Variants in LAP3 observed in about 807,000 individuals in gnomAD.
LAP3 encodes leucine aminopeptidase 3.
Under a neutral mutation model 58.8 loss-of-function variants are expected in LAP3, and 46 were observed. The observed-to-expected ratio is 0.78, with a 90% CI of 0.62 to 1.00. The LOEUF is 1.00. LAP3 is among the 50% of genes least tolerant of loss of function. LAP3 has a pLI of 0.00. For missense variants in LAP3, 615 were observed against 659.1 expected, an observed-to-expected ratio of 0.93 and a Z score of 0.73; for synonymous variants, 257 against 237.7, an observed-to-expected ratio of 1.08 and a Z score of -0.75.
chr4:17,581,183 CTG>C (rs1713350795), intron 2 of LAP3, among the ~76,000 whole-genome samples: 1 of 152,196 alleles, frequency 6.6e-6, no homozygotes, highest in Admixed American at 6.5e-5. Flanking sequence ...GGTATCCAGT[CTG>C]TGGAGAAACC....
At chr4:17,579,779 A>C in intron 1 of LAP3, 45 bp from the exon 2 acceptor site, 2 of 1,066,978 alleles carry the variant, frequency 1.9e-6, no homozygotes, top group Non-Finnish European at 2.8e-6. Context: ...TCTCTAAGGG[A>C]TCTACTCTAA....
intron 11 of LAP3, among the ~76,000 whole-genome samples, chr4:17,605,025 C>A (rs1173279589): frequency 6.6e-6 from 1 of 151,912 alleles, no homozygotes; most frequent in African/African-American, 2.4e-5. Flanking sequence ...GGGAGTTCAC[C>A]CTGCATCGAT....
intron 1 of LAP3, among the ~76,000 whole-genome samples, chr4:17,578,862 A>G (rs555597671): frequency 2.0e-5 from 3 of 152,228 alleles, no homozygotes; most frequent in South Asian, 4.1e-4. Flanking sequence ...TTACGTGGCA[A>G]CAGTCCTTAC....
chr4:17,598,549 A>G lies in LAP3; in HGVS notation c.1171A>G (p.Thr391Ala), dbSNP rs1713890706. ...CCCGAAGGTCATCCTCAATGCCGCC[A>G]CCTTAACAGGTCAGACCGCGCACTT... ...FNPKVILNAA[T>A]LTGAMDVALG... is the part of the protein sequence containing the mutation. The change falls in exon 10 of 13, where the codon ACC (threonine) becomes GCC (alanine). Residue 391 changes from threonine to alanine, a missense_variant. By Grantham distance (58) the Thr-to-Ala change is moderately conservative. Transcript: ENST00000226299. 1.9e-6 allele frequency: 3 copies of G among 1,612,894 alleles called. No homozygotes were observed. The highest frequency in any genetic ancestry group is 2.5e-6 in the Non-Finnish European group (3 of 1,179,002).
At chr4:17,589,889 A>C (rs1301089289) in intron 7 of LAP3, among the ~76,000 whole-genome samples, 1 of 152,100 alleles carries the variant, frequency 6.6e-6, no homozygotes, top group Non-Finnish European at 1.5e-5. Context: ...TCAGATGATT[A>C]CTTCTTTTAG....
In LAP3 at chr4:17,584,934, G is replaced by A. The variant is rs1370753147; in HGVS notation, c.540-38G>A. 4.4e-6 allele frequency: 7 copies of A among 1,603,914 alleles called. No individual in the cohort carries two copies. The South Asian group carries it at 6.6e-5, about 15-fold the overall frequency. On this transcript the variant is annotated intron_variant, in intron 5 of 12. Coordinates refer to ENST00000226299, the MANE Select transcript of LAP3 (RefSeq NM_015907.3). Reference sequence around the variant, plus strand: ...GTTGGCAGGCAGTCAGCGTTCTTGAGAGGTTGTTTGACAGTCACTTTATCT... The same window carrying A: ...GTTGGCAGGCAGTCAGCGTTCTTGAAAGGTTGTTTGACAGTCACTTTATCT...
chr4:17,599,728 A>T (rs1424965328), intron 10 of LAP3, among the ~76,000 whole-genome samples: 19 of 147,972 alleles, frequency 1.3e-4, no homozygotes, highest in Admixed American at 1.2e-3. Flanking sequence ...TTTCTTCTGG[A>T]ACTTTTTATA....
chr4:17,605,300 C>T (rs1284114358), intron 11 of LAP3, among the ~76,000 whole-genome samples: 1 of 152,230 alleles, frequency 6.6e-6, no homozygotes. Flanking sequence ...GATTCTCCTG[C>T]TCCTGTCTCC....
Position 17,580,185 on chromosome 4 carries a change from T to TA in LAP3, c.218+246_218+247insA. ...GCTTTCATATATATATATATATGTA[T>TA]TTTTTTTTTTTTTCAGTAGAGTTGG... On this transcript the variant is annotated intron_variant, in intron 2 of 12. Transcript: ENST00000226299. Among the ~76,000 whole-genome samples, 100 of 31,922 alleles carry TA rather than the reference T, an allele frequency of 3.1e-3. 4 individuals carry two copies. The highest frequency in any genetic ancestry group is 0.016 in the African/African-American group (87 of 5,456). The allele number at this position is 31,922 out of a possible 152,430, so 20.9% of individuals were successfully genotyped here.
rs1280410349 is a variant in LAP3 at position 17,607,392 on chromosome 4, C to T, written c.1371-8C>T. On this transcript the variant is annotated splice_polypyrimidine_tract_variant and splice_region_variant and intron_variant, in intron 12 of 12. Coordinates refer to ENST00000226299, the MANE Select transcript of LAP3 (RefSeq NM_015907.3). ...GGGTTGTAAAGTGCTTTTTGTCTTT[C>T]TCTTCAGATCTGCAGGAGCATGTAC... 8 of 1,602,232 alleles carry T rather than the reference C, an allele frequency of 5.0e-6. No individual in the cohort carries two copies. In the Admixed American group the frequency reaches 5.3e-5, roughly 11 times the overall value.
rs189158672 is a variant in LAP3, at chr4:17,604,879, C to T, written c.1260+212C>T. On this transcript the variant is annotated intron_variant, in intron 11 of 12. Transcript: ENST00000226299. ...AGGAGGGGATGATGCCCCCTGCTCC[C>T]CTCCGGTAGCCTCAGCGTCCTGTGA... Among the ~76,000 whole-genome samples, 5 of 152,216 alleles carry T rather than the reference C, an allele frequency of 3.3e-5. No homozygotes were observed. The East Asian group carries it at 7.7e-4, about 23-fold the overall frequency.
intron 4 of LAP3, 96 bp from the exon 5 acceptor site, chr4:17,583,387 G>A: frequency 7.5e-7 from 1 of 1,328,406 alleles, no homozygotes; most frequent in South Asian, 1.3e-5. Flanking sequence ...TGAACCCCAG[G>A]GCTGTTTTCT....
At chr4:17,586,503 G>C (rs1485260037) in intron 6 of LAP3, among the ~76,000 whole-genome samples, 1 of 152,214 alleles carries the variant, frequency 6.6e-6, no homozygotes, top group African/African-American at 2.4e-5. Flanking sequence ...TCACCAAATA[G>C]TGGTTATGAC....
Position 17,604,614 on chromosome 4 carries a change from G to A in LAP3, c.1207G>A (p.Gly403Ser). Residue 403 changes from glycine to serine, a missense_variant, in exon 11 of 13, where the codon GGT (glycine) becomes AGT (serine). Gly to Ser is a moderately conservative substitution (Grantham distance 56, BLOSUM62 0). Coordinates refer to ENST00000226299, the MANE Select transcript of LAP3 (RefSeq NM_015907.3). ...TGAMDVALGS[G>S]ATGVFTNSSW... The stretch of plus-strand genomic sequence containing the variant: ...TGCCATGGATGTAGCTTTGGGATCA[G>A]GTGCCACTGGGGTCTTTACCAATTC... 1 of 1,614,054 alleles carries A rather than the reference G, an allele frequency of 6.2e-7. No individual in the cohort carries two copies. Among genetic ancestry groups the A allele is most frequent in the Non-Finnish European group, 8.5e-7 (1 of 1,179,966 alleles).
At chr4:17,582,921 A>G (rs953378156) in intron 4 of LAP3, among the ~76,000 whole-genome samples, 3 of 152,250 alleles carry the variant, frequency 2.0e-5, no homozygotes, top group African/African-American at 7.2e-5. Context: ...TTTGTAAAAC[A>G]TTTCTGAAAC....
chr4:17,602,948 C>T (rs1159602952), intron 10 of LAP3, among the ~76,000 whole-genome samples: 1 of 151,664 alleles, frequency 6.6e-6, no homozygotes, highest in Non-Finnish European at 1.5e-5. Context: ...TCCCAAAATG[C>T]TGGGATTACA....
At chr4:17,600,519 C>G (rs1289914681) in intron 10 of LAP3, among the ~76,000 whole-genome samples, 1 of 152,094 alleles carries the variant, frequency 6.6e-6, no homozygotes, top group African/African-American at 2.4e-5. Context: ...TTAAACATAA[C>G]GTTCATAATT....
At chr4:17,605,145 CACA>C (rs1358837632) in intron 11 of LAP3, among the ~76,000 whole-genome samples, 337 of 152,090 alleles carry the variant, frequency 2.2e-3, no homozygotes, top group East Asian at 8.7e-3. Flanking sequence ...CACACACACA[CACA>C]CCCTCACTTA....
intron 7 of LAP3, among the ~76,000 whole-genome samples, chr4:17,589,730 G>T (rs1713630908): frequency 6.6e-6 from 1 of 152,166 alleles, no homozygotes; most frequent in Non-Finnish European, 1.5e-5. Flanking sequence ...AAGTGCTGGG[G>T]TTATAGGTGT....
Sources: gnomAD v4.1 joint callset for allele counts (sites outside exome capture counted in the v4.1 genomes callset) on GRCh38, gnomAD v4.1.1 for gene constraint, MANE v1.5 for transcripts, NCBI Gene and HGNC (gene_info 2026-07-23, HGNC 2026-07-21) for gene names.